AFF4: variants seen among roughly 807,000 people sequenced by gnomAD.
AFF4 encodes AF4/FMR2 family member 4.
AFF4 carries 13 observed loss-of-function variants against 124.8 expected under a neutral mutation model. That is an observed-to-expected ratio of 0.10 (90% CI 0.07 to 0.17). The LOEUF (loss-of-function observed/expected upper bound fraction) is 0.17, where lower values mean the gene tolerates loss of function less well. Among genes scored for constraint, AFF4 ranks in the 10% least tolerant of loss-of-function variants. The pLI, the probability that AFF4 is intolerant of heterozygous loss-of-function variation, is 1.00. For missense variants in AFF4, 1,092 were observed against 1,403.8 expected, an observed-to-expected ratio of 0.78 and a Z score of 3.55; for synonymous variants, 477 against 496.1, an observed-to-expected ratio of 0.96 and a Z score of 0.51.
At chr5:132,898,923 A>G (rs1760479173) in intron 9 of AFF4, among the ~76,000 whole-genome samples, 181 bp downstream of exon 9, 1 of 152,258 alleles carries the variant, frequency 6.6e-6, no homozygotes, top group African/African-American at 2.4e-5. Flanking sequence ...TTTTAAAAAC[A>G]GTTTGAGGTA....
intron 11 of AFF4, among the ~76,000 whole-genome samples, chr5:132,895,367 T>C (rs1300366176): frequency 6.6e-6 from 1 of 152,232 alleles, no homozygotes; most frequent in African/African-American, 2.4e-5. Flanking sequence ...TGTGGTTTTA[T>C]GAAAAGGAGA....
At chr5:132,954,384 C>T (rs547248460) in intron 1 of AFF4, among the ~76,000 whole-genome samples, 45 of 152,152 alleles carry the variant, frequency 3.0e-4, no homozygotes, top group Non-Finnish European at 6.3e-4. Context: ...TGCTTACCTG[C>T]CATGCTCAAA....
rs1162063457 is a variant in AFF4 at position 132,881,162 on chromosome 5, A to T, written c.3389T>A (p.Val1130Glu). 6.2e-7 allele frequency: 1 copy of T among 1,614,140 alleles called. No individual in the cohort carries two copies. Among genetic ancestry groups the T allele is most frequent in the East Asian group, 2.2e-5 (1 of 44,880 alleles). Residue 1130 changes from valine (V) to glutamate (E), a missense_variant, in exon 21 of 21, where the codon GTA (valine) becomes GAA (glutamate). By Grantham distance (121) the Val-to-Glu change is moderately radical (BLOSUM62 -2). Coordinates refer to ENST00000265343, the MANE Select transcript of AFF4 (RefSeq NM_014423.4). ...TGCATTAAAGATGAGAGGGCCCATT[A>T]CTTTATCCAGTTCAGCAAAGAATTC... ...QKEFFAELDK[V>E]MGPLIFNASI...
intron 2 of AFF4, 105 bp downstream of exon 2, chr5:132,936,962 T>C (rs1054559637): frequency 2.2e-6 from 3 of 1,394,264 alleles, no homozygotes; most frequent in South Asian, 2.9e-5. Flanking sequence ...TGTTAAGTGG[T>C]ATTCATAGTA....
In AFF4 at chr5:132,884,244, A is replaced by G. The variant is rs529670490; in HGVS notation, c.3144-684T>C. On this transcript the variant is annotated intron_variant, in intron 19 of 20. Coordinates refer to ENST00000265343, the MANE Select transcript of AFF4 (RefSeq NM_014423.4). ...TAAAAATAAACTTGTGTATACACAT[A>G]TATACATATTTTGGAGACACTCATG... Among the ~76,000 whole-genome samples the G allele has an allele frequency of 4.2e-4, 64 of 152,310 alleles. 1 individual carries two copies. Among genetic ancestry groups the G allele is most frequent in the Middle Eastern group, 6.8e-3 (2 of 294 alleles).
Position 132,887,751 on chromosome 5 carries a change from A to G in AFF4, c.2933+95T>C, listed in dbSNP as rs1024983793. 5 of 1,539,606 alleles carry G rather than the reference A, an allele frequency of 3.2e-6. No homozygotes were observed. In the African/African-American group the frequency reaches 6.9e-5, roughly 21 times the overall value. On this transcript the variant is annotated intron_variant, in intron 16 of 20. Coordinates refer to ENST00000265343, the MANE Select transcript of AFF4 (RefSeq NM_014423.4). The stretch of plus-strand genomic sequence containing the variant: ...CTTTATCCAAGGACATTAAAGGATT[A>G]TACACCCTCTTCAGTTTACTATATA...
In AFF4 at chr5:132,896,902, T is replaced by C. The variant is rs1012038410; in HGVS notation, c.1728A>G (p.Glu576=). Residue 576 remains glutamate (E), a synonymous_variant, in exon 11 of 21, where the codon GAA becomes GAG. Transcript: ENST00000265343. ...CTATCTTCAGGCCTCCACGAGGCTC[T>C]TCAGCAGCTGCCTTCTCAGCCTTTT... ...QPKKAEKAAA[E]EPRGGLKIES... The C allele has an allele frequency of 2.4e-5, 38 of 1,614,090 alleles. No individual in the cohort carries two copies. Among genetic ancestry groups the C allele is most frequent in the Non-Finnish European group, 3.2e-5 (38 of 1,180,042 alleles).
At chr5:132,932,277 G>C in intron 3 of AFF4, 55 bp from the exon 4 acceptor site, 1 of 1,454,668 alleles carries the variant, frequency 6.9e-7, no homozygotes, top group South Asian at 1.2e-5. Context: ...TTTAGTATTT[G>C]CTTCACAGAT....
chr5:132,963,063 T>A (rs997789785), intron 1 of AFF4, among the ~76,000 whole-genome samples, 196 bp downstream of exon 1: 3 of 152,170 alleles, frequency 2.0e-5, no homozygotes, highest in African/African-American at 7.2e-5. Context: ...GCTTTTTTTA[T>A]TTTCTTATCT....
At chr5:132,949,208 CCTTT>C (rs1326542181) in intron 1 of AFF4, among the ~76,000 whole-genome samples, 2 of 136,250 alleles carry the variant, frequency 1.5e-5, no homozygotes, top group Non-Finnish European at 3.1e-5. Flanking sequence ...CTTATTTCTG[CCTTT>C]TTTTTTTTTT....
intron 4 of AFF4, among the ~76,000 whole-genome samples, chr5:132,931,656 C>T (rs1761302759): frequency 6.6e-6 from 1 of 152,190 alleles, no homozygotes; most frequent in Non-Finnish European, 1.5e-5. Context: ...ATTTATTTTA[C>T]TTAAAAGCAA....
chr5:132,936,904 A>G (rs1394545964), intron 2 of AFF4, among the ~76,000 whole-genome samples, 163 bp downstream of exon 2: 2 of 152,258 alleles, frequency 1.3e-5, no homozygotes, highest in Non-Finnish European at 2.9e-5. Context: ...ACTCCAAAGA[A>G]AAGTTTATCC....
intron 5 of AFF4, among the ~76,000 whole-genome samples, chr5:132,909,537 C>A (rs1416518883): frequency 2.0e-5 from 3 of 151,010 alleles, no homozygotes; most frequent in Non-Finnish European, 4.4e-5. Flanking sequence ...TGGTGGTGTG[C>A]GTGTGTGTGT....
chr5:132,898,155 G>T, intron 10 of AFF4, 75 bp downstream of exon 10: 1 of 1,518,694 alleles, frequency 6.6e-7, no homozygotes, highest in Non-Finnish European at 9.0e-7. Flanking sequence ...TTTTATATTT[G>T]GATCAGGTTT....
At chr5:132,890,233 T>C (rs1471153122) in intron 13 of AFF4, among the ~76,000 whole-genome samples, 1 of 151,954 alleles carries the variant, frequency 6.6e-6, no homozygotes, top group Non-Finnish European at 1.5e-5. Flanking sequence ...AATATTATGT[T>C]GTACTGTAAC....
chr5:132,925,529 A>T (rs1761150875), intron 5 of AFF4, among the ~76,000 whole-genome samples: 1 of 152,204 alleles, frequency 6.6e-6, no homozygotes, highest in Non-Finnish European at 1.5e-5. Flanking sequence ...TGTATAAGAA[A>T]TTATTAGAAT....
At chr5:132,888,577 T>A (rs1382317986) in intron 14 of AFF4, among the ~76,000 whole-genome samples, 1 of 152,196 alleles carries the variant, frequency 6.6e-6, no homozygotes, top group Non-Finnish European at 1.5e-5. Flanking sequence ...ATCATTCACA[T>A]CCCTCATGGG....
At chr5:132,949,767 C>A (rs1761792606) in intron 1 of AFF4, among the ~76,000 whole-genome samples, 1 of 147,486 alleles carries the variant, frequency 6.8e-6, no homozygotes, top group Non-Finnish European at 1.5e-5. Flanking sequence ...GAGGCTGAGG[C>A]GAGAGAATGG....
chr5:132,881,064 A>G lies in AFF4; in HGVS notation c.3487T>C (p.Ser1163Pro), dbSNP rs763598579. The G allele has an allele frequency of 5.6e-6, 9 of 1,613,288 alleles. No homozygotes were observed. The highest frequency in any genetic ancestry group is 5.0e-5 in the Admixed American group (3 of 59,708). Residue 1163 changes from serine (S) to proline (P), a missense_variant, in exon 21 of 21, where the codon TCT (serine) becomes CCT (proline). Transcript: ENST00000265343. ...GCAACGAGAATGTGTTCAGTTCAAG[A>G]TATCAACTTGGCATCCTGGCGAAGC... ...HWLRQDAKLI[S>P]
Sources: allele counts gnomAD v4.1 joint callset (sites outside exome capture counted in the v4.1 genomes callset), GRCh38; gene constraint gnomAD v4.1.1; transcripts MANE v1.5; gene names NCBI Gene and HGNC (gene_info 2026-07-23, HGNC 2026-07-21).